The following CD8B variants were observed in gnomAD, a reference collection of about 807,000 sequenced individuals.
CD8B encodes the protein CD8 subunit beta.
Under a neutral mutation model 24.2 loss-of-function variants are expected in CD8B, and 6 were observed. The observed-to-expected ratio is 0.25, with a 90% CI of 0.14 to 0.49. CD8B has a LOEUF of 0.49. CD8B is among the 20% of genes least tolerant of loss of function. The pLI is 0.98. For missense variants in CD8B, 196 were observed against 271.3 expected, an observed-to-expected ratio of 0.72 and a Z score of 1.95; for synonymous variants, 84 against 108.3, an observed-to-expected ratio of 0.78 and a Z score of 1.39.
In CD8B at chr2:86,842,169, G is replaced by A. The variant is rs1675463793; in HGVS notation, c.*138C>T. 7 of 1,492,964 alleles carry A rather than the reference G, an allele frequency of 4.7e-6. No homozygotes were observed. Among genetic ancestry groups the A allele is most frequent in the Non-Finnish European group, 6.2e-6 (7 of 1,122,146 alleles). 92.5% of individuals were successfully genotyped at this position (1,492,964 alleles called of 1,614,324 possible). A position where few individuals can be genotyped will look rare whatever the true frequency, so the allele number is the denominator to read the frequency against. On this transcript the variant is annotated 3_prime_UTR_variant, in exon 6 of 6. Coordinates refer to ENST00000390655, the MANE Select transcript of CD8B (RefSeq NM_004931.5). The stretch of plus-strand genomic sequence containing the variant: ...TGCACATCACACACAGAAAGGCCTT[G>A]CAGCAGTGAAAAGCAGGCAGCTTCA...
At chr2:86,854,525 A>G (rs1191267643) in intron 2 of CD8B, among the ~76,000 whole-genome samples, 3 of 152,124 alleles carry the variant, frequency 2.0e-5, no homozygotes, top group Admixed American at 6.6e-5. Flanking sequence ...TGGGACCCCA[A>G]ACCCCTGTCC....
In CD8B at chr2:86,839,904, G is replaced by A. The variant is rs538030199; in HGVS notation, c.*2403C>T. On this transcript the variant is annotated 3_prime_UTR_variant, in exon 6 of 6. Coordinates refer to ENST00000390655, the MANE Select transcript of CD8B (RefSeq NM_004931.5). ...CGGGTGAGGGGCCCACCTGAAACACGAACCCTAGAGGAGTCTGGTCCAGCT... is the reference window on the plus strand; with the variant it reads ...CGGGTGAGGGGCCCACCTGAAACACAAACCCTAGAGGAGTCTGGTCCAGCT... 8.7e-4 allele frequency among the ~76,000 whole-genome samples: 133 copies of A among 152,230 alleles called. No homozygotes were observed. The highest frequency in any genetic ancestry group is 1.4e-3 in the Non-Finnish European group (92 of 68,000).
intron 5 of CD8B, among the ~76,000 whole-genome samples, chr2:86,829,396 C>T (rs928324345): frequency 3.9e-5 from 6 of 152,026 alleles, no homozygotes; most frequent in African/African-American, 1.4e-4. Flanking sequence ...TGAGCCACCG[C>T]GCCTGGCTGG....
chr2:86,831,358 T>C (rs1245893020), intron 5 of CD8B, among the ~76,000 whole-genome samples: 1 of 152,198 alleles, frequency 6.6e-6, no homozygotes, highest in Non-Finnish European at 1.5e-5. Flanking sequence ...TGAGCCACCA[T>C]GCCTGGCTTC....
At chr2:86,851,102 A>G (rs867043990) in intron 3 of CD8B, among the ~76,000 whole-genome samples, 15 of 152,040 alleles carry the variant, frequency 9.9e-5, no homozygotes, top group South Asian at 2.1e-4. Context: ...AAAAAAAAAA[A>G]AAAGAAAGAA....
In CD8B at chr2:86,842,072, C is replaced by G. The variant is rs983647263; in HGVS notation, c.*235G>C. 1 of 1,307,186 alleles carries G rather than the reference C, an allele frequency of 7.7e-7. No individual in the cohort carries two copies. Among genetic ancestry groups the G allele is most frequent in the African/African-American group, 1.5e-5 (1 of 65,344 alleles). The allele number at this position is 1,307,186 out of a possible 1,614,324, so 81.0% of individuals were successfully genotyped here. A position where few individuals can be genotyped will look rare whatever the true frequency, so the allele number is the denominator to read the frequency against. Reference sequence around the variant, plus strand: ...TTCTTACTCAGTCCTCCAGCACACTCTGTGAAGTGCCCTGGGGGCAATGAA... The same window carrying G: ...TTCTTACTCAGTCCTCCAGCACACTGTGTGAAGTGCCCTGGGGGCAATGAA... On this transcript the variant is annotated 3_prime_UTR_variant, in exon 6 of 6. Transcript: ENST00000390655.
At chr2:86,832,053 T>C (rs1416580458) in intron 5 of CD8B, among the ~76,000 whole-genome samples, 1 of 152,182 alleles carries the variant, frequency 6.6e-6, no homozygotes, top group Non-Finnish European at 1.5e-5. Context: ...TGCTGTCTCA[T>C]CTGACGAGCT....
At chr2:86,818,264 A>C (rs1401642255) in intron 5 of CD8B, among the ~76,000 whole-genome samples, 3 of 152,136 alleles carry the variant, frequency 2.0e-5, no homozygotes, top group African/African-American at 4.8e-5. Flanking sequence ...TAATTAACAG[A>C]GTAACTGTAT....
chr2:86,833,569 T>A (rs1489250857), downstream of CD8B, among the ~76,000 whole-genome samples: 1 of 77,856 alleles, frequency 1.3e-5, no homozygotes, highest in Non-Finnish European at 2.8e-5. Context: ...CTCCCCTCTC[T>A]CTCCCTCCCT....
chr2:86,861,088 C>T lies in CD8B; in HGVS notation c.43+735G>A, dbSNP rs1223591261. Among the ~76,000 whole-genome samples, 10 of 152,294 alleles carry T rather than the reference C, an allele frequency of 6.6e-5. No homozygotes were observed. The East Asian group carries it at 1.4e-3, about 21-fold the overall frequency. On this transcript the variant is annotated intron_variant, in intron 1 of 5. Transcript: ENST00000390655. ...TGGGCCAGAACCCCCGGCGGGCAGG[C>T]CTTGTCACCCCCTGGCAAGATGACC...
rs549279186 is a variant in CD8B at position 86,838,672 on chromosome 2, A to T, written c.*3635T>A. ...CACCACCATGCCCAGAAAAAAATTT[A>T]AAAATTTTTTGTAGAGTCGAGGTCT... On this transcript the variant is annotated 3_prime_UTR_variant, in exon 6 of 6. Transcript: ENST00000390655. Among the ~76,000 whole-genome samples, 73 of 152,206 alleles carry T rather than the reference A, an allele frequency of 4.8e-4. No homozygotes were observed. Among genetic ancestry groups the T allele is most frequent in the Non-Finnish European group, 5.4e-4 (37 of 67,998 alleles).
At chr2:86,822,224 T>G in intron 5 of CD8B, 2 of 662,186 alleles carry the variant, frequency 3.0e-6, no homozygotes, top group Non-Finnish European at 5.2e-6. Flanking sequence ...TTTCCACTTA[T>G]ACCCCAGCAG....
chr2:86,817,554 A>T (rs1020253447), intron 5 of CD8B, among the ~76,000 whole-genome samples: 2 of 152,238 alleles, frequency 1.3e-5, no homozygotes, highest in Admixed American at 6.5e-5. Flanking sequence ...TTATTTATAA[A>T]AAATAAAAGC....
rs1675413937 is a variant in CD8B, at chr2:86,841,393, C to A, written c.*914G>T. On this transcript the variant is annotated 3_prime_UTR_variant, in exon 6 of 6. Coordinates refer to ENST00000390655, the MANE Select transcript of CD8B (RefSeq NM_004931.5). Reference sequence around the variant, plus strand: ...CTGGGAGAGGGGCCTGAGGCACCTGCAGCCTGGCTCTGGGTGCCCTGGGCG... The same window carrying A: ...CTGGGAGAGGGGCCTGAGGCACCTGAAGCCTGGCTCTGGGTGCCCTGGGCG... 6.6e-6 allele frequency among the ~76,000 whole-genome samples: 1 copy of A among 151,068 alleles called. No homozygotes were observed. The highest frequency in any genetic ancestry group is 1.5e-5 in the Non-Finnish European group (1 of 67,844).
chr2:86,830,762 G>A (rs966428237), intron 5 of CD8B, among the ~76,000 whole-genome samples: 32 of 152,106 alleles, frequency 2.1e-4, no homozygotes, highest in African/African-American at 7.5e-4. Flanking sequence ...GAATGGGCCC[G>A]TTTATCAGCA....
chr2:86,839,483 C>A lies in CD8B; in HGVS notation c.*2824G>T, dbSNP rs973291415. Reference sequence around the variant, plus strand: ...TGGGGGGCATATTTCATCATAATGGCCCTATAGAGTGTAGTAGCAGCTCAG... The same window carrying A: ...TGGGGGGCATATTTCATCATAATGGACCTATAGAGTGTAGTAGCAGCTCAG... On this transcript the variant is annotated 3_prime_UTR_variant, in exon 6 of 6. Transcript: ENST00000390655. Among the ~76,000 whole-genome samples the A allele has an allele frequency of 6.6e-6, 1 of 152,214 alleles. No homozygotes were observed. The highest frequency in any genetic ancestry group is 2.4e-5 in the African/African-American group (1 of 41,450).
rs576844921 is a variant in CD8B, at chr2:86,858,258, C to T, written c.202G>A (p.Glu68Lys). 18 of 1,613,982 alleles carry T rather than the reference C, an allele frequency of 1.1e-5. No homozygotes were observed. The highest frequency in any genetic ancestry group is 5.3e-5 in the African/African-American group (4 of 75,046). The change falls in exon 2 of 6, where the codon GAG becomes AAG. Residue 68 changes from glutamate to lysine, a missense_variant. By Grantham distance (56) the Glu-to-Lys change is moderately conservative. Transcript: ENST00000390655. Reference sequence around the variant, plus strand: ...GCGGAATCCCAGAGGGCCAGGAACTCGTGGTGACTGTCACTGCTCGGTGCC... The same window carrying T: ...GCGGAATCCCAGAGGGCCAGGAACTTGTGGTGACTGTCACTGCTCGGTGCC... ...RQAPSSDSHH[E>K]FLALWDSAKG...
intron 5 of CD8B, among the ~76,000 whole-genome samples, chr2:86,831,258 G>T (rs535064067): frequency 4.9e-4 from 74 of 152,222 alleles, no homozygotes; most frequent in East Asian, 3.3e-3. Context: ...TGTAGAAACG[G>T]GTTTCACCAT....
At chr2:86,836,417 G>A (rs143329806), downstream of CD8B, among the ~76,000 whole-genome samples, 957 of 152,156 alleles carry the variant, frequency 6.3e-3, 10 homozygotes, top group Non-Finnish European at 7.9e-3. Context: ...TGGCCATGCC[G>A]CACCCCTAGT....
Sources: gnomAD v4.1 joint callset for allele counts (sites outside exome capture counted in the v4.1 genomes callset) on GRCh38, gnomAD v4.1.1 for gene constraint, MANE v1.5 for transcripts, NCBI Gene and HGNC (gene_info 2026-07-23, HGNC 2026-07-21) for gene names.